DOT1L: variants seen among roughly 807,000 people sequenced by gnomAD.
DOT1L encodes histone-lysine N-methyltransferase, H3 lysine-79 specific.
In DOT1L, 33 loss-of-function variants were observed where a neutral mutation model predicts 153.3. The observed-to-expected ratio is 0.22, with a 90% CI of 0.16 to 0.29. The LOEUF (loss-of-function observed/expected upper bound fraction) is 0.29. Ranked by LOEUF, DOT1L falls within the 10% of genes least tolerant of loss-of-function variation. The probability of loss-of-function intolerance (pLI) is 1.00; values close to 1 mark genes in which losing one functional copy is unlikely to be tolerated. For synonymous variants in DOT1L, 1,135 were observed against 965.1 expected (o/e 1.18, Z -3.26); for missense variants, 1,847 against 2,119.9 (o/e 0.87, Z 2.53).
intron 1 of DOT1L, among the ~76,000 whole-genome samples, chr19:2,167,831 GTTTCAGTGATTCTCCTGCC>G (rs1264283815): frequency 1.3e-5 from 2 of 151,560 alleles, no homozygotes; most frequent in African/African-American, 4.8e-5. Flanking sequence ...CGCCTCCCAG[GTTTCAGTGATTCTCCTGCC>G]TCAGCCTCCC....
At chr19:2,227,641 C>T (rs1042621051) in intron 27 of DOT1L, 202 of 1,232,602 alleles carry the variant, frequency 1.6e-4, no homozygotes, top group Non-Finnish European at 1.8e-4. Context: ...CTGGCGGCGC[C>T]GTTTCGCTTC....
At chr19:2,209,709 G>A (rs540363842) in intron 12 of DOT1L, among the ~76,000 whole-genome samples, 5 of 152,352 alleles carry the variant, frequency 3.3e-5, no homozygotes, top group East Asian at 3.9e-4. Context: ...ATGTTTGTCC[G>A]GGCGTCCTTT....
intron 9 of DOT1L, among the ~76,000 whole-genome samples, chr19:2,206,521 CAAA>C (rs5826758): frequency 2.2e-4 from 18 of 80,684 alleles, no homozygotes; most frequent in African/African-American, 4.8e-4. Context: ...GACTCTGTCT[CAAA>C]AAAAAAAAAA....
intron 14 of DOT1L, 76 bp downstream of exon 14, chr19:2,210,931 C>T: frequency 2.0e-6 from 3 of 1,535,362 alleles, no homozygotes; most frequent in Non-Finnish European, 1.8e-6. Flanking sequence ...GGGACGCTGC[C>T]CTCCTGAGCC....
rs2024535867 is a variant in DOT1L at position 2,230,155 on chromosome 19, C to T, written c.*363C>T. ...CCGCCAGCGGATTCGCCACAGCCTGCCCCGGTGCTATCTCGTCCCCAGGCC... is the reference window on the plus strand; with the variant it reads ...CCGCCAGCGGATTCGCCACAGCCTGTCCCGGTGCTATCTCGTCCCCAGGCC... On this transcript the variant is annotated 3_prime_UTR_variant, in exon 28 of 28. Transcript: ENST00000398665. 3.9e-6 allele frequency: 2 copies of T among 507,838 alleles called. No individual in the cohort carries two copies. Among genetic ancestry groups the T allele is most frequent in the Admixed American group, 3.7e-5 (1 of 26,794 alleles). The allele number at this position is 507,838 out of a possible 1,614,324, so 31.5% of individuals were successfully genotyped here. A position where few individuals can be genotyped will look rare whatever the true frequency, so the allele number is the denominator to read the frequency against.
intron 26 of DOT1L, among the ~76,000 whole-genome samples, chr19:2,225,885 G>A (rs1327776722): frequency 2.6e-5 from 4 of 152,106 alleles, no homozygotes; most frequent in Admixed American, 2.0e-4. Flanking sequence ...AGCTCATCCC[G>A]CATGGCCTCT....
chr19:2,214,121 C>G (rs2023816301), intron 18 of DOT1L, 135 bp downstream of exon 18: 1 of 1,379,852 alleles, frequency 7.2e-7, no homozygotes, highest in Non-Finnish European at 9.7e-7. Flanking sequence ...AATTGCGCCA[C>G]CTGTGAAAGC....
rs2144901228 is a variant in DOT1L, at chr19:2,221,985, A to G, written c.2816A>G (p.Tyr939Cys). ...ATGTCCTTCCCGGCAGGCTTCTCCT[A>G]CGCTGGCTCGGTGGCCATCAGCGGG... ...SLALAPAGFS[Y>C]AGSVAISGAL... Residue 939 changes from tyrosine (Y) to cysteine (C), a missense_variant, in exon 24 of 28, where the codon TAC (tyrosine) becomes TGC (cysteine). Around this residue, in one of 8 missense-constraint regions of DOT1L, gnomAD observed 68 missense variants for 80.7 expected, o/e 0.84. Coordinates refer to ENST00000398665, the MANE Select transcript of DOT1L (RefSeq NM_032482.3). 1 of 1,606,934 alleles carries G rather than the reference A, an allele frequency of 6.2e-7. No homozygotes were observed. Among genetic ancestry groups the G allele is most frequent in the East Asian group, 2.2e-5 (1 of 44,736 alleles).
intron 19 of DOT1L, 31 bp from the exon 20 acceptor site, chr19:2,216,250 G>C: frequency 6.5e-7 from 1 of 1,537,872 alleles, no homozygotes; most frequent in Non-Finnish European, 8.8e-7. Flanking sequence ...CCCCCGGTGG[G>C]GCGGGCCTGA....
intron 7 of DOT1L, 140 bp from the exon 8 acceptor site, chr19:2,199,744 G>C: frequency 8.7e-7 from 1 of 1,154,014 alleles, no homozygotes; most frequent in Non-Finnish European, 1.2e-6. Flanking sequence ...CAGGGCTGCA[G>C]CCGGTGGGGC....
chr19:2,205,222 C>T (rs562526510), intron 9 of DOT1L, among the ~76,000 whole-genome samples: 4 of 152,246 alleles, frequency 2.6e-5, no homozygotes, highest in East Asian at 3.9e-4. Flanking sequence ...CTCCCTGCCT[C>T]GGCCTCCCAA....
intron 1 of DOT1L, among the ~76,000 whole-genome samples, chr19:2,167,032 C>T (rs1274843700): frequency 6.6e-6 from 1 of 152,192 alleles, no homozygotes; most frequent in Non-Finnish European, 1.5e-5. Flanking sequence ...AAAAGTTACC[C>T]CATTTTTTTG....
intron 27 of DOT1L, 75 bp downstream of exon 27, chr19:2,227,202 C>A: frequency 6.4e-7 from 1 of 1,551,420 alleles, no homozygotes; most frequent in Non-Finnish European, 8.8e-7. Flanking sequence ...GGTTCCCTTC[C>A]GCACTCTCTT....
intron 8 of DOT1L, 63 bp from the exon 9 acceptor site, chr19:2,202,637 C>T (rs372070995): frequency 2.6e-5 from 40 of 1,532,104 alleles, no homozygotes; most frequent in Admixed American, 6.7e-5. Context: ...TTGTTGGCTG[C>T]GCCGGGTGGC....
At position 2,226,578 on chromosome 19, in the gene DOT1L, T is replaced by G; in HGVS notation, c.4057T>G (p.Phe1353Val). The G allele has an allele frequency of 6.2e-7, 1 of 1,600,364 alleles. No individual in the cohort carries two copies. Among genetic ancestry groups the G allele is most frequent in the Non-Finnish European group, 8.5e-7 (1 of 1,178,236 alleles). ...GGCCGGCCTGAGCTCCCCGCTGAGC[T>G]TCCCCTCGCAGCGCGGCAAGGAGGG... is the stretch of plus-strand genomic sequence containing the variant. Reference protein sequence around the residue: ...EAAGLSSPLSFPSQRGKEGSD... With the variant: ...EAAGLSSPLSVPSQRGKEGSD... The change falls in exon 27 of 28, where the codon TTC (phenylalanine) becomes GTC (valine). Residue 1353 changes from phenylalanine (F) to valine (V), a missense_variant. By Grantham distance (50) the Phe-to-Val change is conservative. Coordinates refer to ENST00000398665, the MANE Select transcript of DOT1L (RefSeq NM_032482.3).
intron 25 of DOT1L, among the ~76,000 whole-genome samples, chr19:2,224,446 A>G (rs918293683): frequency 6.7e-5 from 10 of 148,208 alleles, no homozygotes; most frequent in South Asian, 4.2e-4. Flanking sequence ...GTGATATAAC[A>G]TGGTAGGGTT....
intron 27 of DOT1L, 114 bp from the exon 28 acceptor site, chr19:2,229,671 C>T (rs1375386734): frequency 1.2e-6 from 2 of 1,600,996 alleles, no homozygotes; most frequent in Non-Finnish European, 1.7e-6. Flanking sequence ...TGGTGCTGGC[C>T]CCAGGTGGCG....
At chr19:2,202,084 C>T (rs145172825) in intron 8 of DOT1L, among the ~76,000 whole-genome samples, 17 of 152,352 alleles carry the variant, frequency 1.1e-4, no homozygotes, top group African/African-American at 3.1e-4. Context: ...TGAGCTCAGC[C>T]GACCTCACGT....
intron 26 of DOT1L, among the ~76,000 whole-genome samples, 170 bp from the exon 27 acceptor site, chr19:2,226,013 C>G (rs567397340): frequency 1.1e-3 from 170 of 152,248 alleles, no homozygotes; most frequent in African/African-American, 3.8e-3. Flanking sequence ...TGTCCCCTCC[C>G]GTCCCCTTCC....
Sources: gnomAD v4.1 joint callset for allele counts (sites outside exome capture counted in the v4.1 genomes callset) on GRCh38, gnomAD v4.1.1 for gene constraint, gnomAD v4.1.1 regional missense constraint, MANE v1.5 for transcripts, NCBI Gene and HGNC (gene_info 2026-07-23, HGNC 2026-07-21) for gene names.